SMYD4: variants seen among roughly 807,000 people sequenced by gnomAD.
SMYD4 encodes the protein SET and MYND domain containing 4.
SMYD4 carries 68 observed loss-of-function variants against 72.8 expected under a neutral mutation model. The ratio of observed to expected loss-of-function variants is 0.93; its 90% confidence interval spans 0.77 to 1.14. SMYD4 has a LOEUF of 1.14. SMYD4 is among the 50% of genes most tolerant of loss of function. The pLI is 0.00. For missense variants in SMYD4, 984 were observed against 1,003.7 expected (o/e 0.98, Z 0.27); for synonymous variants, 407 against 388.6 (o/e 1.05, Z -0.56).
intron 5 of SMYD4, among the ~76,000 whole-genome samples, chr17:1,798,016 A>T (rs922623363): frequency 6.6e-6 from 1 of 151,982 alleles, no homozygotes; most frequent in African/African-American, 2.4e-5. Context: ...AAAAAAAGAA[A>T]AAAAGGACTT....
chr17:1,789,308 A>G (rs1441964801), intron 5 of SMYD4, among the ~76,000 whole-genome samples: 5 of 152,122 alleles, frequency 3.3e-5, no homozygotes, highest in African/African-American at 9.7e-5. Context: ...AATTGCTTGA[A>G]TCCAGGAGGA....
rs1423988800 is a variant in SMYD4 at position 1,780,731 on chromosome 17, C to T, written c.*555G>A. The T allele has an allele frequency of 2.0e-5, 3 of 151,834 alleles. No homozygotes were observed. Among genetic ancestry groups the T allele is most frequent in the Non-Finnish European group, 4.4e-5 (3 of 68,156 alleles). 9.4% of individuals were successfully genotyped at this position (151,834 alleles called of 1,614,324 possible). On this transcript the variant is annotated 3_prime_UTR_variant, in exon 11 of 11. Transcript: ENST00000305513. ...CTTCCTCCCGGGTTCACCCCATTCT[C>T]CTGCCTCAACCTCCCGAGTAGCTGT...
Position 1,800,285 on chromosome 17 carries a change from A to G in SMYD4, c.1109T>C (p.Leu370Pro). ...GTCCTTGTTACTAATCTTATCACAA[A>G]GCTTCGTTATGATTTTGCGAACATC... ...FEDVRKIITK[L>P]CDKISNKDIC... is the part of the protein sequence containing the mutation. The change falls in exon 5 of 11, where the codon CTT (leucine) becomes CCT (proline). Residue 370 changes from leucine (L) to proline (P), a missense_variant. Physicochemically the swap from Leu to Pro is moderately conservative, Grantham distance 98 (BLOSUM62 -3). Coordinates refer to ENST00000305513, the MANE Select transcript of SMYD4 (RefSeq NM_052928.3). The G allele has an allele frequency of 6.2e-7, 1 of 1,614,108 alleles. No homozygotes were observed. The highest frequency in any genetic ancestry group is 8.5e-7 in the Non-Finnish European group (1 of 1,180,034).
intron 2 of SMYD4, among the ~76,000 whole-genome samples, chr17:1,826,047 T>A (rs1911151559): frequency 6.6e-6 from 1 of 151,814 alleles, no homozygotes; most frequent in Non-Finnish European, 1.5e-5. Flanking sequence ...ATAAACAGAT[T>A]GGGAATAATT....
chr17:1,798,855 C>G (rs966120352), intron 5 of SMYD4, among the ~76,000 whole-genome samples: 20 of 150,680 alleles, frequency 1.3e-4, no homozygotes, highest in African/African-American at 4.9e-4. Context: ...GCTGAGATTG[C>G]GCCACTGCAC....
At chr17:1,818,922 A>G (rs1041304259) in intron 2 of SMYD4, among the ~76,000 whole-genome samples, 1 of 151,852 alleles carries the variant, frequency 6.6e-6, no homozygotes, top group African/African-American at 2.4e-5. Flanking sequence ...TGCTGGGATT[A>G]TAGGTGTGAG....
chr17:1,789,805 T>G (rs9915036), intron 5 of SMYD4, among the ~76,000 whole-genome samples: 217 of 138,436 alleles, frequency 1.6e-3, no homozygotes, highest in Middle Eastern at 8.2e-3. Context: ...ACACTGAATA[T>G]AGGAATAATG....
chr17:1,781,325 C>G lies in SMYD4; in HGVS notation c.2376G>C (p.Leu792Phe). The part of the protein sequence containing the change: ...IQELQKMKSC[L>F]LDLPPTPVGP... Reference sequence around the variant, plus strand: ...CTACAGGGGTGGGTGGTAAGTCCAACAAACAGGATTTCATCTTCTGGAGCT... The same window carrying G: ...CTACAGGGGTGGGTGGTAAGTCCAAGAAACAGGATTTCATCTTCTGGAGCT... Residue 792 changes from leucine (L) to phenylalanine (F), a missense_variant, in exon 11 of 11, where the codon TTG becomes TTC. Physicochemically the swap from Leu to Phe is conservative, Grantham distance 22 (BLOSUM62 0). Transcript: ENST00000305513. The G allele has an allele frequency of 1.2e-6, 2 of 1,613,894 alleles. No homozygotes were observed. The highest frequency in any genetic ancestry group is 8.5e-7 in the Non-Finnish European group (1 of 1,180,038).
chr17:1,827,274 G>A (rs1039585240), intron 2 of SMYD4, among the ~76,000 whole-genome samples: 22 of 151,610 alleles, frequency 1.5e-4, no homozygotes, highest in African/African-American at 5.1e-4. Context: ...CCCGGGAGGC[G>A]GAGGCAGTGG....
intron 5 of SMYD4, among the ~76,000 whole-genome samples, chr17:1,795,263 TTCTG>T (rs758387573): frequency 2.0e-5 from 3 of 152,148 alleles, no homozygotes; most frequent in South Asian, 2.1e-4. Context: ...TGCCTCAGCC[TTCTG>T]TCTGTCTGTC....
intron 4 of SMYD4, among the ~76,000 whole-genome samples, chr17:1,802,819 T>C (rs925169363): frequency 6.6e-6 from 1 of 152,078 alleles, no homozygotes; most frequent in Non-Finnish European, 1.5e-5. Context: ...GGTATCCTCC[T>C]AAAACATTAA....
intron 7 of SMYD4, among the ~76,000 whole-genome samples, chr17:1,784,956 AT>A (rs200345837): frequency 0.42 from 59,343 of 141,032 alleles, 12,483 homozygotes; most frequent in African/African-American, 0.47. Context: ...TGTGTTATTT[AT>A]TTTTTTTTTT....
chr17:1,800,763 C>T lies in SMYD4; in HGVS notation c.631G>A (p.Ala211Thr). ...KDSLTESFPA[A>T]LAKTLEDAAL... ...GCATCCTCAAGGGTTTTGGCCAGAG[C>T]TGCTGGGAAGCTTTCTGTGAGACTG... Residue 211 changes from alanine to threonine, a missense_variant, in exon 5 of 11, where the codon GCT becomes ACT. Physicochemically the swap from Ala to Thr is moderately conservative, Grantham distance 58. Coordinates refer to ENST00000305513, the MANE Select transcript of SMYD4 (RefSeq NM_052928.3). 6.2e-7 allele frequency: 1 copy of T among 1,614,220 alleles called. No homozygotes were observed. The highest frequency in any genetic ancestry group is 1.3e-5 in the African/African-American group (1 of 75,060).
In SMYD4 at chr17:1,804,618, A is replaced by C; in HGVS notation, c.369+8T>G. 1 of 1,613,048 alleles carries C rather than the reference A, an allele frequency of 6.2e-7. No individual in the cohort carries two copies. The highest frequency in any genetic ancestry group is 8.5e-7 in the Non-Finnish European group (1 of 1,179,244). On this transcript the variant is annotated splice_region_variant and intron_variant, in intron 4 of 10. Coordinates refer to ENST00000305513, the MANE Select transcript of SMYD4 (RefSeq NM_052928.3). ...CTGTCCTCTCATACCAGGTATCCTG[A>C]TACTCACCTCATACTGACCCAGGTG...
At chr17:1,794,089 A>ATATATGCGTATATATATGTG (rs1567771016) in intron 5 of SMYD4, among the ~76,000 whole-genome samples, 24 of 24,278 alleles carry the variant, frequency 9.9e-4, no homozygotes, top group African/African-American at 3.9e-3. Flanking sequence ...GTGTATATAT[A>ATATATGCGTATATATATGTG]TATATATATA....
chr17:1,801,328 T>G (rs560627059), intron 4 of SMYD4, among the ~76,000 whole-genome samples: 1 of 152,154 alleles, frequency 6.6e-6, no homozygotes, highest in East Asian at 2.0e-4. Flanking sequence ...AAGCTCCACC[T>G]CCTGGGTTCA....
rs1454228796 is a variant in SMYD4, at chr17:1,794,081, G to GTGTATA, written c.1537+5775_1537+5776insTATACA. 3.5e-3 allele frequency among the ~76,000 whole-genome samples: 60 copies of GTGTATA among 17,110 alleles called. 2 individuals carry two copies. Among genetic ancestry groups the GTGTATA allele is most frequent in the African/African-American group, 9.6e-3 (39 of 4,058 alleles). 11.2% of individuals were successfully genotyped at this position (17,110 alleles called of 152,430 possible). On this transcript the variant is annotated intron_variant, in intron 5 of 10. Coordinates refer to ENST00000305513, the MANE Select transcript of SMYD4 (RefSeq NM_052928.3). The stretch of plus-strand genomic sequence containing the variant: ...TGTATATATATGTGTATATATATGT[G>GTGTATA]TATATATATATATATATATATATAT...
intron 2 of SMYD4, among the ~76,000 whole-genome samples, chr17:1,824,781 G>A (rs1427570082): frequency 6.6e-6 from 1 of 151,978 alleles, no homozygotes; most frequent in African/African-American, 2.4e-5. Context: ...CGCAATGCCT[G>A]GCTAATTTTT....
intron 3 of SMYD4, among the ~76,000 whole-genome samples, chr17:1,807,959 G>A (rs1435508782): frequency 1.3e-5 from 2 of 152,178 alleles, no homozygotes; most frequent in Non-Finnish European, 2.9e-5. Context: ...CAAATAAATC[G>A]ATATAATAAT....
Sources: allele counts gnomAD v4.1 joint callset (sites outside exome capture counted in the v4.1 genomes callset), GRCh38; gene constraint gnomAD v4.1.1; transcripts MANE v1.5; gene names NCBI Gene and HGNC (gene_info 2026-07-23, HGNC 2026-07-21).